Variants in ROBO2 observed in about 807,000 individuals in gnomAD.
ROBO2 encodes the protein roundabout guidance receptor 2, also known as roundabout homolog 2.
Under a neutral mutation model 160.8 loss-of-function variants are expected in ROBO2, and 53 were observed. The ratio of observed to expected loss-of-function variants is 0.33; its 90% CI spans 0.26 to 0.41. The LOEUF is 0.41. Among genes scored for constraint, ROBO2 ranks in the 10% least tolerant of loss-of-function variants. ROBO2 has a pLI of 1.00. For synonymous variants in ROBO2, 664 were observed against 611.7 expected (o/e 1.09, Z -1.26); for missense variants, 1,577 against 1,722.4 (o/e 0.92, Z 1.49).
chr3:76,300,615 T>A (rs1709306151), intron 2 of ROBO2, among the ~76,000 whole-genome samples: 2 of 151,124 alleles, frequency 1.3e-5, no homozygotes, highest in African/African-American at 4.9e-5. Flanking sequence ...TGCTTATATA[T>A]GCACATATGC....
chr3:77,406,464 TTTTTTG>T (rs1329185632), intron 2 of ROBO2, among the ~76,000 whole-genome samples: 4 of 152,158 alleles, frequency 2.6e-5, no homozygotes, highest in Admixed American at 2.6e-4. Context: ...GATCAATTAT[TTTTTTG>T]TTTGTATCAA....
intron 1 of ROBO2, among the ~76,000 whole-genome samples, chr3:77,052,868 G>A (rs573805917): frequency 2.0e-4 from 31 of 152,268 alleles, no homozygotes; most frequent in Non-Finnish European, 4.1e-4. Flanking sequence ...ACTCTTGAGA[G>A]TTTACAGAAG....
intron 2 of ROBO2, among the ~76,000 whole-genome samples, chr3:76,578,066 T>A (rs780612647): frequency 2.3e-4 from 35 of 152,168 alleles, no homozygotes; most frequent in Non-Finnish European, 4.9e-4. Flanking sequence ...AGAGTCAGGT[T>A]GTTTAAAACC....
chr3:75,911,048 C>A (rs1472109451), intron 1 of ROBO2, among the ~76,000 whole-genome samples: 1 of 150,308 alleles, frequency 6.7e-6, no homozygotes, highest in African/African-American at 2.5e-5. Flanking sequence ...TTTTTTTTTA[C>A]TGAGTGAAAA....
intron 5 of ROBO2, among the ~76,000 whole-genome samples, chr3:77,509,158 G>A (rs2089019519): frequency 6.6e-6 from 1 of 152,088 alleles, no homozygotes; most frequent in Admixed American, 6.6e-5. Context: ...GAATAGGAAA[G>A]AGTCGTTTGC....
chr3:76,117,173 G>A (rs1045111773), intron 2 of ROBO2, among the ~76,000 whole-genome samples: 1 of 152,134 alleles, frequency 6.6e-6, no homozygotes, highest in African/African-American at 2.4e-5. Context: ...AAGCTCCACA[G>A]GTAAGATGTG....
chr3:76,983,178 A>G (rs568239481), intron 2 of ROBO2, among the ~76,000 whole-genome samples: 1 of 152,196 alleles, frequency 6.6e-6, no homozygotes, highest in African/African-American at 2.4e-5. Context: ...CCACCTACTC[A>G]GGAGGCTGAG....
intron 2 of ROBO2, among the ~76,000 whole-genome samples, chr3:76,437,861 G>A (rs1559944167): frequency 6.6e-6 from 1 of 152,098 alleles, no homozygotes; most frequent in African/African-American, 2.4e-5. Flanking sequence ...CAACATATCT[G>A]CCTCTTGGAT....
intron 2 of ROBO2, among the ~76,000 whole-genome samples, chr3:76,395,409 T>G (rs1276205099): frequency 2.5e-4 from 36 of 146,656 alleles, no homozygotes; most frequent in African/African-American, 8.8e-4. Flanking sequence ...ACATCACAAT[T>G]AAAAGAACTA....
At chr3:76,515,743 A>G (rs1489704904) in intron 2 of ROBO2, among the ~76,000 whole-genome samples, 2 of 152,184 alleles carry the variant, frequency 1.3e-5, no homozygotes, top group Non-Finnish European at 2.9e-5. Flanking sequence ...TGAACTCTAG[A>G]AAGAAAACCA....
At chr3:76,832,982 C>A (rs368651121) in intron 2 of ROBO2, among the ~76,000 whole-genome samples, 1 of 151,964 alleles carries the variant, frequency 6.6e-6, no homozygotes, top group African/African-American at 2.4e-5. Context: ...ACAATAAAAA[C>A]AAAGGGAGAG....
rs969472404 is a variant in ROBO2, at chr3:76,182,892, C to T, written c.109+245290C>T. On this transcript the variant is annotated intron_variant, in intron 2 of 26. Coordinates refer to the ROBO2 transcript ENST00000487694. Reference sequence around the variant, plus strand: ...GCTTTATCACTGGAAACATTGTCTGCTTGTTCCTGGTGTCTATTTGCTCTA... The same window carrying T: ...GCTTTATCACTGGAAACATTGTCTGTTTGTTCCTGGTGTCTATTTGCTCTA... Among the ~76,000 whole-genome samples the T allele has an allele frequency of 1.5e-4, 23 of 152,242 alleles. No individual in the cohort carries two copies. In the South Asian group the frequency reaches 4.8e-3, roughly 32 times the overall value.
At chr3:77,413,818 T>C (rs2076994910) in intron 2 of ROBO2, among the ~76,000 whole-genome samples, 1 of 152,098 alleles carries the variant, frequency 6.6e-6, no homozygotes, top group Non-Finnish European at 1.5e-5. Context: ...TGGAGAGAGA[T>C]GCAAATGTTA....
chr3:76,747,235 T>C (rs1376247179), intron 2 of ROBO2, among the ~76,000 whole-genome samples: 1 of 152,162 alleles, frequency 6.6e-6, no homozygotes, highest in African/African-American at 2.4e-5. Context: ...CTGTTTAGTT[T>C]AGTTGAACAA....
At chr3:76,944,425 CA>C (rs200944273) in intron 2 of ROBO2, among the ~76,000 whole-genome samples, 5 of 150,666 alleles carry the variant, frequency 3.3e-5, no homozygotes, top group Non-Finnish European at 4.4e-5. Context: ...CTTGGCTTTA[CA>C]AAAAAAAATT....
At chr3:76,938,267 T>A (rs1191311963) in intron 2 of ROBO2, among the ~76,000 whole-genome samples, 1 of 151,554 alleles carries the variant, frequency 6.6e-6, no homozygotes, top group East Asian at 2.0e-4. Flanking sequence ...AGGCAGGGGA[T>A]CGCTTGAACC....
intron 7 of ROBO2, among the ~76,000 whole-genome samples, chr3:77,548,644 C>T (rs1197633065): frequency 6.6e-6 from 1 of 151,974 alleles, no homozygotes; most frequent in African/African-American, 2.4e-5. Context: ...TTTCAGTATT[C>T]CTTTTTCTGT....
intron 2 of ROBO2, among the ~76,000 whole-genome samples, chr3:76,901,897 C>T (rs1408303793): frequency 6.6e-6 from 1 of 151,886 alleles, no homozygotes; most frequent in African/African-American, 2.4e-5. Context: ...TCTTCCTGCT[C>T]CTTCCTACCT....
chr3:76,668,926 G>A (rs1466056829), intron 2 of ROBO2, among the ~76,000 whole-genome samples: 1 of 152,132 alleles, frequency 6.6e-6, no homozygotes, highest in Non-Finnish European at 1.5e-5. Context: ...GGATGGCTAA[G>A]AGGGCAACCG....
Sources: gnomAD v4.1 joint callset for allele counts (sites outside exome capture counted in the v4.1 genomes callset) on GRCh38, gnomAD v4.1.1 for gene constraint, MANE v1.5 for transcripts, NCBI Gene and HGNC (gene_info 2026-07-23, HGNC 2026-07-21) for gene names.